Variants in SLC13A1 observed in about 807,000 individuals in gnomAD.
SLC13A1 encodes solute carrier family 13 member 1.
Under a neutral mutation model 70.0 loss-of-function variants are expected in SLC13A1, and 65 were observed. That is an observed-to-expected ratio of 0.93 (90% CI 0.76 to 1.14). The LOEUF is 1.14. Among genes scored for constraint, SLC13A1 ranks in the 50% most tolerant of loss-of-function variants. SLC13A1 has a pLI of 0.00. For synonymous variants in SLC13A1, 275 were observed against 250.5 expected (o/e 1.10, Z -0.92); for missense variants, 726 against 717.8 (o/e 1.01, Z -0.13).
chr7:123,182,133 T>A (rs1045744773), intron 1 of SLC13A1, among the ~76,000 whole-genome samples: 1 of 152,134 alleles, frequency 6.6e-6, no homozygotes, highest in Non-Finnish European at 1.5e-5. Context: ...ATGTTGACAG[T>A]TTCATACAGA....
intron 6 of SLC13A1, among the ~76,000 whole-genome samples, chr7:123,164,126 A>T (rs916985315): frequency 6.6e-6 from 1 of 152,066 alleles, no homozygotes. Flanking sequence ...ATTAGGAGGA[A>T]GGATATGGGA....
chr7:123,134,651 A>G, intron 7 of SLC13A1, 122 bp from the exon 8 acceptor site: 1 of 854,338 alleles, frequency 1.2e-6, no homozygotes, highest in Non-Finnish European at 1.8e-6. Context: ...AAGTCCTGGA[A>G]TATACTCATC....
At chr7:123,167,276 AT>A (rs1302861436) in intron 6 of SLC13A1, among the ~76,000 whole-genome samples, 1 of 152,200 alleles carries the variant, frequency 6.6e-6, no homozygotes, top group East Asian at 1.9e-4. Flanking sequence ...CATACTGTTA[AT>A]TTTTCATGTT....
intron 12 of SLC13A1, 70 bp downstream of exon 12, chr7:123,123,056 T>C (rs1793439132): frequency 8.2e-7 from 1 of 1,222,450 alleles, no homozygotes; most frequent in South Asian, 1.2e-5. Context: ...TGCCCAAAGA[T>C]TGAATGTCTC....
Position 123,189,014 on chromosome 7 carries a change from C to T in SLC13A1, c.100-7913G>A, listed in dbSNP as rs1171713053. ...CCTGTAGTCCCAGCTACTTGGGAGG[C>T]TGAGGCAGGAGAATGGCGTGAACCC... On this transcript the variant is annotated intron_variant, in intron 1 of 14. Coordinates refer to ENST00000194130, the MANE Select transcript of SLC13A1 (RefSeq NM_022444.4). Among the ~76,000 whole-genome samples the T allele has an allele frequency of 2.1e-5, 3 of 144,422 alleles. No homozygotes were observed. The East Asian group carries it at 6.2e-4, about 30-fold the overall frequency. The allele number at this position is 144,422 out of a possible 152,430, so 94.7% of individuals were successfully genotyped here. A position where few individuals can be genotyped will look rare whatever the true frequency, so the allele number is the denominator to read the frequency against.
intron 8 of SLC13A1, among the ~76,000 whole-genome samples, chr7:123,130,057 A>G (rs1266102584): frequency 6.6e-6 from 1 of 152,156 alleles, no homozygotes; most frequent in Non-Finnish European, 1.5e-5. Context: ...TGTATGAGAC[A>G]GTTGGGGTCA....
chr7:123,132,458 G>A (rs1188180550), intron 8 of SLC13A1, among the ~76,000 whole-genome samples: 4 of 151,866 alleles, frequency 2.6e-5, no homozygotes, highest in Admixed American at 6.6e-5. Context: ...TGCAACCTCC[G>A]CCTCCCAGGT....
At chr7:123,149,019 A>G (rs1794462457) in intron 6 of SLC13A1, among the ~76,000 whole-genome samples, 1 of 152,090 alleles carries the variant, frequency 6.6e-6, no homozygotes, top group Non-Finnish European at 1.5e-5. Flanking sequence ...ATGAGATTTT[A>G]TGAGACTCCT....
intron 3 of SLC13A1, 122 bp from the exon 4 acceptor site, chr7:123,169,457 G>C (rs946263146): frequency 3.4e-6 from 3 of 869,790 alleles, no homozygotes; most frequent in Non-Finnish European, 5.3e-6. Flanking sequence ...TCAAAACATG[G>C]AAGGTTAAGA....
intron 1 of SLC13A1, among the ~76,000 whole-genome samples, chr7:123,191,148 G>A (rs941892254): frequency 6.6e-6 from 1 of 152,022 alleles, no homozygotes; most frequent in Non-Finnish European, 1.5e-5. Context: ...CCTAGTTCCT[G>A]GTTCAGATGG....
chr7:123,129,612 G>A (rs1349177976), intron 8 of SLC13A1, 131 bp from the exon 9 acceptor site: 15 of 649,608 alleles, frequency 2.3e-5, no homozygotes, highest in Admixed American at 7.6e-5. Context: ...GAATCTCCCC[G>A]TTAATAACAG....
chr7:123,177,897 G>A (rs1795501963), intron 2 of SLC13A1, among the ~76,000 whole-genome samples: 1 of 151,960 alleles, frequency 6.6e-6, no homozygotes, highest in South Asian at 2.1e-4. Flanking sequence ...TAGAAAGACA[G>A]GAAATATTTT....
chr7:123,140,739 T>G (rs1330611891), intron 7 of SLC13A1, among the ~76,000 whole-genome samples: 1 of 152,108 alleles, frequency 6.6e-6, no homozygotes, highest in East Asian at 1.9e-4. Context: ...CTACTAATGA[T>G]CCTTTGAATT....
At chr7:123,186,585 C>A in intron 1 of SLC13A1, 1 of 340,872 alleles carries the variant, frequency 2.9e-6, no homozygotes. Flanking sequence ...CACCATTACA[C>A]ACAATCACTA....
intron 10 of SLC13A1, among the ~76,000 whole-genome samples, chr7:123,126,338 C>G (rs1278512923): frequency 6.6e-6 from 1 of 152,148 alleles, no homozygotes; most frequent in Non-Finnish European, 1.5e-5. Flanking sequence ...TAAATTAAGA[C>G]TGATTCAGGA....
chr7:123,142,660 G>GAGTCTTACTCTATTTCCC (rs140530822), intron 7 of SLC13A1, among the ~76,000 whole-genome samples: 2 of 132,692 alleles, frequency 1.5e-5, no homozygotes, highest in Non-Finnish European at 1.6e-5. Flanking sequence ...TTTTTTGATG[G>GAGTCTTACTCTATTTCCC]AGGCTGGAGT....
At chr7:123,182,574 T>C (rs1795673288) in intron 1 of SLC13A1, among the ~76,000 whole-genome samples, 1 of 152,142 alleles carries the variant, frequency 6.6e-6, no homozygotes, top group South Asian at 2.1e-4. Flanking sequence ...GATACAGGTC[T>C]AGCCACCCTG....
At chr7:123,142,638 C>CTTGT (rs1554546343) in intron 7 of SLC13A1, among the ~76,000 whole-genome samples, 3 of 118,824 alleles carry the variant, frequency 2.5e-5, no homozygotes, top group Admixed American at 8.6e-5. Context: ...GGGGCAAGAA[C>CTTGT]TTTTTTTTTT....
chr7:123,142,941 G>T (rs972988488), intron 7 of SLC13A1, among the ~76,000 whole-genome samples: 6 of 151,984 alleles, frequency 3.9e-5, no homozygotes, highest in African/African-American at 1.4e-4. Flanking sequence ...TAGTTAGCAG[G>T]TGATGCAACC....
Sources: gnomAD v4.1 joint callset for allele counts (sites outside exome capture counted in the v4.1 genomes callset) on GRCh38, gnomAD v4.1.1 for gene constraint, MANE v1.5 for transcripts, NCBI Gene and HGNC (gene_info 2026-07-23, HGNC 2026-07-21) for gene names.